Variants in LRRC25 observed in about 807,000 individuals in gnomAD.
LRRC25 encodes leucine-rich repeat-containing protein 25.
A neutral mutation model predicts 18.8 loss-of-function variants in LRRC25; 5 were observed. The observed-to-expected ratio is 0.27, with a 90% confidence interval of 0.14 to 0.56. LRRC25 has a LOEUF of 0.56. LRRC25 is among the 20% of genes least tolerant of loss of function. The probability of loss-of-function intolerance (pLI) is 0.93; values close to 1 mark genes in which losing one functional copy is unlikely to be tolerated. For missense variants in LRRC25, 341 were observed against 389.8 expected (o/e 0.87, Z 1.05); for synonymous variants, 161 against 176.8 (o/e 0.91, Z 0.71).
At position 18,396,887 on chromosome 19, in the gene LRRC25, G is replaced by C. The variant is rs1378079070; in HGVS notation, c.77C>G (p.Thr26Ser). 3.1e-6 allele frequency: 5 copies of C among 1,613,532 alleles called. No homozygotes were observed. Among genetic ancestry groups the C allele is most frequent in the Non-Finnish European group, 4.2e-6 (5 of 1,180,018 alleles). Residue 26 changes from threonine to serine, a missense_variant, in exon 1 of 2, where the codon ACC (threonine) becomes AGC (serine). Transcript: ENST00000339007. ...RESDSLEPSCTVSSADVDWNA... is the reference protein window; with the variant it reads ...RESDSLEPSCSVSSADVDWNA... Reference sequence around the variant, plus strand: ...CCAGTCCACATCCGCGGAGGACACGGTGCACGACGGTTCTAGGCTGTCTGA... The same window carrying C: ...CCAGTCCACATCCGCGGAGGACACGCTGCACGACGGTTCTAGGCTGTCTGA...
rs1971981116 is a variant in LRRC25 at position 18,397,016 on chromosome 19, G to C, written c.-53C>G. 1.3e-6 allele frequency: 2 copies of C among 1,531,596 alleles called. No homozygotes were observed. Among genetic ancestry groups the C allele is most frequent in the Non-Finnish European group, 8.8e-7 (1 of 1,136,502 alleles). 94.9% of individuals were successfully genotyped at this position (1,531,596 alleles called of 1,614,324 possible). A position where few individuals can be genotyped will look rare whatever the true frequency, so the allele number is the denominator to read the frequency against. On this transcript the variant is annotated 5_prime_UTR_variant, in exon 1 of 2. Transcript: ENST00000339007. ...ATCCTAGCCCTGACCTCAGCCCTGT[G>C]GTCGCCCTCGCCTCCACCGCCAGTG...
chr19:18,396,160 G>A lies in LRRC25; in HGVS notation c.779+25C>T, dbSNP rs368064237. The A allele has an allele frequency of 3.0e-5, 47 of 1,563,312 alleles. No individual in the cohort carries two copies. In the African/African-American group the frequency reaches 4.3e-4, roughly 14 times the overall value. On this transcript the variant is annotated intron_variant, in intron 1 of 1. Transcript: ENST00000339007. ...TGGAGCCTTATTATTCACCACTTTGGCAGGTGTCTCAGTGGCTTACTTACC... is the reference window on the plus strand; with the variant it reads ...TGGAGCCTTATTATTCACCACTTTGACAGGTGTCTCAGTGGCTTACTTACC...
rs374413035 is a variant in LRRC25, at chr19:18,392,068, A to G, written c.837T>C (p.Ala279=). 8 of 1,614,188 alleles carry G rather than the reference A, an allele frequency of 5.0e-6. No homozygotes were observed. In the Middle Eastern group the frequency reaches 6.6e-4, roughly 133 times the overall value. ...FYINYKDIDL[A]SQPVYCNLQS... The stretch of plus-strand genomic sequence containing the variant: ...GCAGGTTACAGTAGACAGGCTGGGA[A>G]GCCAGGTCGATGTCCTTGTAGTTGA... Residue 279 remains alanine, a synonymous_variant, in exon 2 of 2, where the codon GCT becomes GCC. Transcript: ENST00000339007.
In LRRC25 at chr19:18,396,300, C is replaced by G. The variant is rs771155177; in HGVS notation, c.664G>C (p.Gly222Arg). ...TGGGGCTTGGGGGCGCTCCGGCTGC[C>G]GTACCGTGGCTGCAAGCCTAAACCG... ...KPGLGLQPRY[G>R]SRSAPKPQVA... Residue 222 changes from glycine to arginine, a missense_variant, in exon 1 of 2, where the codon GGC becomes CGC. Gly to Arg is a moderately radical substitution (Grantham distance 125). Coordinates refer to ENST00000339007, the MANE Select transcript of LRRC25 (RefSeq NM_145256.3). 6.2e-7 allele frequency: 1 copy of G among 1,613,810 alleles called. No homozygotes were observed. Among genetic ancestry groups the G allele is most frequent in the Non-Finnish European group, 8.5e-7 (1 of 1,179,932 alleles).
At chr19:18,395,843 C>T (rs146566608) in intron 1 of LRRC25, among the ~76,000 whole-genome samples, 1 of 152,298 alleles carries the variant, frequency 6.6e-6, no homozygotes, top group Non-Finnish European at 1.5e-5. Flanking sequence ...GCCTCAGCCT[C>T]CTCAGTAGCT....
chr19:18,392,465 C>G (rs1241071570), intron 1 of LRRC25, among the ~76,000 whole-genome samples: 2 of 151,830 alleles, frequency 1.3e-5, no homozygotes, highest in Admixed American at 6.6e-5. Flanking sequence ...GCACTTCAGC[C>G]TGGGAGACAG....
chr19:18,396,463 C>T lies in LRRC25; in HGVS notation c.501G>A (p.Gly167=), dbSNP rs367685945. Residue 167 remains glycine, a synonymous_variant, in exon 1 of 2, where the codon GGG becomes GGA. Transcript: ENST00000339007. ...CAPGLASATI[G]AVVVSGCLLL... is the part of the protein sequence containing the mutation. ...GCAGGCACCCGCTGACCACCACTGC[C>T]CCGATAGTTGCAGAGGCCAGGCCAG... 7 of 1,613,450 alleles carry T rather than the reference C, an allele frequency of 4.3e-6. No individual in the cohort carries two copies. The highest frequency in any genetic ancestry group is 2.2e-5 in the South Asian group (2 of 91,086).
rs990497698 is a variant in LRRC25, at chr19:18,391,254, A to T, written c.*733T>A. On this transcript the variant is annotated 3_prime_UTR_variant, in exon 2 of 2. Transcript: ENST00000339007. ...GCCCTGAGAGGGGCAGAAGGGAGGA[A>T]TGTGCCTGGGCGCAGTGGCCACGCC... The T allele has an allele frequency of 6.6e-6, 1 of 152,300 alleles. No individual in the cohort carries two copies. Among genetic ancestry groups the T allele is most frequent in the Non-Finnish European group, 1.5e-5 (1 of 68,128 alleles). 9.4% of individuals were successfully genotyped at this position (152,300 alleles called of 1,614,324 possible).
Position 18,392,035 on chromosome 19 carries a change from C to T in LRRC25, c.870G>A (p.Leu290=). 1 of 1,614,168 alleles carries T rather than the reference C, an allele frequency of 6.2e-7. No homozygotes were observed. The highest frequency in any genetic ancestry group is 8.5e-7 in the Non-Finnish European group (1 of 1,180,028). The stretch of plus-strand genomic sequence containing the variant: ...CCTCTTCATCCATTGGGGCCTGGCC[C>T]AGTGACTGCAGGTTACAGTAGACAG... The part of the protein sequence containing the change: ...SQPVYCNLQS[L]GQAPMDEEEY... Residue 290 remains leucine (L), a synonymous_variant, in exon 2 of 2, where the codon CTG becomes CTA. Coordinates refer to ENST00000339007, the MANE Select transcript of LRRC25 (RefSeq NM_145256.3).
chr19:18,394,008 A>ACATCTG (rs1319397623), intron 1 of LRRC25, among the ~76,000 whole-genome samples: 1 of 152,136 alleles, frequency 6.6e-6, no homozygotes, highest in African/African-American at 2.4e-5. Context: ...AGCCATGTTG[A>ACATCTG]CATCTGCTTT....
chr19:18,393,241 C>T (rs1197193334), intron 1 of LRRC25, among the ~76,000 whole-genome samples: 2 of 152,176 alleles, frequency 1.3e-5, no homozygotes, highest in Admixed American at 1.3e-4. Context: ...CAGGTAGCTA[C>T]TTAGGAATAT....
Position 18,397,040 on chromosome 19 carries a change from T to C in LRRC25, c.-77A>G, listed in dbSNP as rs1239159793. 1 of 1,423,978 alleles carries C rather than the reference T, an allele frequency of 7.0e-7. No homozygotes were observed. The highest frequency in any genetic ancestry group is 1.4e-5 in the African/African-American group (1 of 70,820). 88.2% of individuals were successfully genotyped at this position (1,423,978 alleles called of 1,614,324 possible). On this transcript the variant is annotated 5_prime_UTR_variant, in exon 1 of 2. Coordinates refer to ENST00000339007, the MANE Select transcript of LRRC25 (RefSeq NM_145256.3). ...TGGTCGCCCTCGCCTCCACCGCCAG[T>C]GTTTATTATTATAGCTCAGACCAGC...
At chr19:18,395,780 G>T (rs563243603) in intron 1 of LRRC25, among the ~76,000 whole-genome samples, 9 of 152,254 alleles carry the variant, frequency 5.9e-5, no homozygotes, top group East Asian at 1.9e-4. Context: ...GAGTGCAATG[G>T]CATGAACTTG....
At position 18,391,723 on chromosome 19, in the gene LRRC25, A is replaced by T; in HGVS notation, c.*264T>A. The T allele has an allele frequency of 2.6e-6, 1 of 387,182 alleles. No individual in the cohort carries two copies. The highest frequency in any genetic ancestry group is 3.2e-5 in the South Asian group (1 of 31,148). The allele number at this position is 387,182 out of a possible 1,614,324, so 24.0% of individuals were successfully genotyped here. A position where few individuals can be genotyped will look rare whatever the true frequency, so the allele number is the denominator to read the frequency against. The stretch of plus-strand genomic sequence containing the variant: ...TATTGAGCACTGCCTGTACATCCAC[A>T]GGAGGGTGATGACAGGATTGGCACA... On this transcript the variant is annotated 3_prime_UTR_variant, in exon 2 of 2. Coordinates refer to ENST00000339007, the MANE Select transcript of LRRC25 (RefSeq NM_145256.3).
Position 18,396,488 on chromosome 19 carries a change from G to A in LRRC25, c.476C>T (p.Pro159Leu). The A allele has an allele frequency of 1.2e-6, 2 of 1,613,562 alleles. No individual in the cohort carries two copies. The highest frequency in any genetic ancestry group is 8.5e-7 in the Non-Finnish European group (1 of 1,180,040). Residue 159 changes from proline to leucine, a missense_variant, in exon 1 of 2, where the codon CCT (proline) becomes CTT (leucine). Transcript: ENST00000339007. ...CCCGATAGTTGCAGAGGCCAGGCCA[G>A]GGGCGCAGCTGACCTCCAGGAAGGC... ...LSAFLEVSCA[P>L]GLASATIGAV...
At chr19:18,395,104 G>T (rs1181387485) in intron 1 of LRRC25, among the ~76,000 whole-genome samples, 1 of 152,078 alleles carries the variant, frequency 6.6e-6, no homozygotes, top group African/African-American at 2.4e-5. Context: ...GGGCGCGGTG[G>T]CTCACACCTG....
intron 1 of LRRC25, among the ~76,000 whole-genome samples, chr19:18,395,643 C>A (rs1489335468): frequency 6.6e-6 from 1 of 152,152 alleles, no homozygotes; most frequent in Admixed American, 6.6e-5. Flanking sequence ...GGAAGTTTGT[C>A]CCATATATGG....
chr19:18,391,818 G>T lies in LRRC25; in HGVS notation c.*169C>A. On this transcript the variant is annotated 3_prime_UTR_variant, in exon 2 of 2. Transcript: ENST00000339007. ...CTAGGAGCTGAGGGAGCTGAGGAGC[G>T]GCATGAGGGACAGGGAGGGGGCGGC... The T allele has an allele frequency of 4.3e-6, 3 of 696,980 alleles. No homozygotes were observed. Among genetic ancestry groups the T allele is most frequent in the Non-Finnish European group, 7.0e-6 (3 of 427,890 alleles). 43.2% of individuals were successfully genotyped at this position (696,980 alleles called of 1,614,324 possible). A position where few individuals can be genotyped will look rare whatever the true frequency, so the allele number is the denominator to read the frequency against.
intron 1 of LRRC25, 35 bp downstream of exon 1, chr19:18,396,150 C>T: frequency 6.4e-7 from 1 of 1,555,152 alleles, no homozygotes; most frequent in Non-Finnish European, 8.7e-7. Flanking sequence ...CCTTATTATT[C>T]ACCACTTTGG....
Sources: gnomAD v4.1 joint callset for allele counts (sites outside exome capture counted in the v4.1 genomes callset) on GRCh38, gnomAD v4.1.1 for gene constraint, MANE v1.5 for transcripts, NCBI Gene and HGNC (gene_info 2026-07-23, HGNC 2026-07-21) for gene names.